CCNT2: variants seen among roughly 807,000 people sequenced by gnomAD.
CCNT2 encodes the protein cyclin-T2.
CCNT2 carries 18 observed loss-of-function variants against 70.0 expected under a neutral mutation model. That is an observed-to-expected ratio of 0.26 (90% CI 0.18 to 0.38). The LOEUF is 0.38. Among genes scored for constraint, CCNT2 ranks in the 10% least tolerant of loss-of-function variants. The probability of loss-of-function intolerance (pLI) is 1.00; values close to 1 mark genes in which losing one functional copy is unlikely to be tolerated. For synonymous variants in CCNT2, 334 were observed against 313.3 expected, an observed-to-expected ratio of 1.07 and a Z score of -0.70; for missense variants, 734 against 890.2, an observed-to-expected ratio of 0.82 and a Z score of 2.23.
intron 5 of CCNT2, chr2:134,943,391 G>C: frequency 1.0e-6 from 1 of 965,712 alleles, no homozygotes. Flanking sequence ...GCAAGAGTGA[G>C]ACCCTATCTC....
chr2:134,937,971 A>G (rs1379963963), intron 3 of CCNT2, among the ~76,000 whole-genome samples: 2 of 152,312 alleles, frequency 1.3e-5, no homozygotes, highest in Middle Eastern at 3.4e-3. Flanking sequence ...ACCTTTACCC[A>G]TTGAATGACT....
At chr2:134,935,323 C>G (rs1681067993) in intron 2 of CCNT2, among the ~76,000 whole-genome samples, 1 of 152,142 alleles carries the variant, frequency 6.6e-6, no homozygotes, top group Non-Finnish European at 1.5e-5. Flanking sequence ...AAAGATTTAC[C>G]AGAAGGAAAA....
chr2:134,923,030 C>T (rs1202152900), intron 2 of CCNT2, among the ~76,000 whole-genome samples: 1 of 152,116 alleles, frequency 6.6e-6, no homozygotes, highest in African/African-American at 2.4e-5. Flanking sequence ...CCTGTAATCC[C>T]GGCACTTTGG....
intron 5 of CCNT2, chr2:134,944,684 GACTA>G: frequency 4.1e-6 from 4 of 983,178 alleles, no homozygotes; most frequent in Non-Finnish European, 4.8e-6. Flanking sequence ...CATTTTGTCT[GACTA>G]ACATTTCAGG....
At chr2:134,943,052 A>G (rs539363582) in intron 5 of CCNT2, 147 of 985,334 alleles carry the variant, frequency 1.5e-4, no homozygotes, top group African/African-American at 1.4e-3. Context: ...TTGAAAAGTG[A>G]TAACAGTTGA....
chr2:134,930,126 G>T (rs1680634068), intron 2 of CCNT2, among the ~76,000 whole-genome samples: 1 of 152,094 alleles, frequency 6.6e-6, no homozygotes, highest in African/African-American at 2.4e-5. Context: ...AAAGAAACCT[G>T]GTTGCTGTAA....
In CCNT2 at chr2:134,953,873, CCAG is replaced by C. The variant is rs1443765645; in HGVS notation, c.1425_1427del (p.Ser477del). ...CACAAACAAGGGCAGTCACAGGCAG[CCAG>C]CAGCAGTTCTGTTACTTCTCCCATT... On this transcript the variant is annotated inframe_deletion, in exon 9 of 9. Transcript: ENST00000264157. The C allele has an allele frequency of 6.2e-7, 1 of 1,613,998 alleles. No individual in the cohort carries two copies. The highest frequency in any genetic ancestry group is 8.5e-7 in the Non-Finnish European group (1 of 1,179,998).
rs45566531 is a variant in CCNT2, at chr2:134,927,440, G to A, written c.240+7549G>A. Among the ~76,000 whole-genome samples the A allele has an allele frequency of 3.0e-3, 454 of 152,068 alleles. 4 individuals carry two copies. Among genetic ancestry groups the A allele is most frequent in the South Asian group, 7.3e-3 (35 of 4,804 alleles). On this transcript the variant is annotated intron_variant, in intron 2 of 8. Transcript: ENST00000264157. ...GGCTCATCCTTTTTGTTGAGTCATC[G>A]CATGGCAGGAGTGCAAGAGAGTGAA...
At position 134,953,415 on chromosome 2, in the gene CCNT2, T is replaced by G. The variant is rs1241661507; in HGVS notation, c.960T>G (p.Ile320Met). The change falls in exon 9 of 9, where the codon ATT (isoleucine) becomes ATG (methionine). Residue 320 changes from isoleucine to methionine, a missense_variant. Coordinates refer to ENST00000264157, the MANE Select transcript of CCNT2 (RefSeq NM_058241.3). ...CAGTACCTCTAAATTCAGGAAATAT[T>G]TCTGTTCAAGACAGCCATACATCTG... Reference protein sequence around the residue: ...PAPVPLNSGNISVQDSHTSDN... With the variant: ...PAPVPLNSGNMSVQDSHTSDN... The G allele has an allele frequency of 1.2e-6, 2 of 1,608,046 alleles. No homozygotes were observed. Among genetic ancestry groups the G allele is most frequent in the Non-Finnish European group, 1.7e-6 (2 of 1,176,824 alleles).
rs747092368 is a variant in CCNT2 at position 134,954,477 on chromosome 2, C to T, written c.2022C>T (p.Tyr674=). 8 of 1,614,116 alleles carry T rather than the reference C, an allele frequency of 5.0e-6. No individual in the cohort carries two copies. Among genetic ancestry groups the T allele is most frequent in the Non-Finnish European group, 6.8e-6 (8 of 1,180,004 alleles). ...HPLPPPPPVT[Y]QVGYGHLSTL... is the part of the protein sequence containing the mutation. The stretch of plus-strand genomic sequence containing the variant: ...TACCCCCTCCTCCCCCTGTCACATA[C>T]CAGGTGGGCTACGGACATCTCAGCA... The change falls in exon 9 of 9, where the codon TAC becomes TAT. Residue 674 remains tyrosine (Y), a synonymous_variant. Coordinates refer to ENST00000264157, the MANE Select transcript of CCNT2 (RefSeq NM_058241.3).
chr2:134,927,318 A>G (rs1680365601), intron 2 of CCNT2, among the ~76,000 whole-genome samples: 1 of 152,086 alleles, frequency 6.6e-6, no homozygotes, highest in Non-Finnish European at 1.5e-5. Flanking sequence ...TTTTTTTGCA[A>G]AATTAAATGA....
chr2:134,921,168 TAATG>T (rs1679870641), intron 2 of CCNT2, among the ~76,000 whole-genome samples: 1 of 152,196 alleles, frequency 6.6e-6, no homozygotes, highest in African/African-American at 2.4e-5. Flanking sequence ...AGTAGTGAAC[TAATG>T]AATGTTAATA....
intron 2 of CCNT2, among the ~76,000 whole-genome samples, chr2:134,933,202 T>G (rs975941451): frequency 6.6e-5 from 10 of 152,156 alleles, no homozygotes; most frequent in African/African-American, 2.2e-4. Context: ...ATTGGGAGAT[T>G]TAATGTTGAA....
intron 2 of CCNT2, among the ~76,000 whole-genome samples, chr2:134,928,862 A>G (rs185342419): frequency 1.3e-5 from 2 of 152,306 alleles, no homozygotes; most frequent in African/African-American, 4.8e-5. Flanking sequence ...TTTGGGGGTA[A>G]TCTTTAAATG....
intron 7 of CCNT2, 41 bp downstream of exon 7, chr2:134,947,940 AG>A: frequency 8.4e-7 from 1 of 1,197,448 alleles, no homozygotes; most frequent in Non-Finnish European, 1.1e-6. Flanking sequence ...GAATTATCTA[AG>A]TTGGCAGTTG....
intron 2 of CCNT2, among the ~76,000 whole-genome samples, chr2:134,925,300 A>G (rs559127143): frequency 6.6e-6 from 1 of 151,984 alleles, no homozygotes; most frequent in East Asian, 1.9e-4. Context: ...TAATTACTGG[A>G]TTTTTGCCCT....
chr2:134,954,607 A>T lies in CCNT2; in HGVS notation c.2152A>T (p.Met718Leu). The change falls in exon 9 of 9, where the codon ATG (methionine) becomes TTG (leucine). Residue 718 changes from methionine to leucine, a missense_variant. By Grantham distance (15) the Met-to-Leu change is conservative. Around this residue, in one of 3 missense-constraint regions of CCNT2, gnomAD observed 532 missense variants for 556.9 expected, o/e 0.96. Coordinates refer to ENST00000264157, the MANE Select transcript of CCNT2 (RefSeq NM_058241.3). ...TATGGACTACAAAGACACATTCGAC[A>T]TGCTGGACTCACTGTTAAGTGCCCA... ...QHMDYKDTFD[M>L]LDSLLSAQGM... The T allele has an allele frequency of 6.2e-7, 1 of 1,613,288 alleles. No individual in the cohort carries two copies. The highest frequency in any genetic ancestry group is 8.5e-7 in the Non-Finnish European group (1 of 1,179,228).
chr2:134,936,557 C>T (rs927469825), intron 2 of CCNT2, among the ~76,000 whole-genome samples: 6 of 152,006 alleles, frequency 3.9e-5, no homozygotes, highest in Non-Finnish European at 5.9e-5. Context: ...AGTTCGAGAC[C>T]AGCCTGGCCA....
In CCNT2 at chr2:134,954,193, AGTGGCAGCAGCAGCG is replaced by A. The variant is rs1329132105; in HGVS notation, c.1746_1760del (p.Ser583_Ser587del). 6.2e-7 allele frequency: 1 copy of A among 1,614,150 alleles called. No individual in the cohort carries two copies. Among genetic ancestry groups the A allele is most frequent in the East Asian group, 2.2e-5 (1 of 44,880 alleles). ...CAGCCACAAGCATTCCCACTCGCAT[AGTGGCAGCAGCAGCG>A]GTGGCAGTAAACACAGTGCCGACGG... On this transcript the variant is annotated inframe_deletion, in exon 9 of 9. Transcript: ENST00000264157.
Sources: allele counts gnomAD v4.1 joint callset (sites outside exome capture counted in the v4.1 genomes callset), GRCh38; gene constraint gnomAD v4.1.1; regional missense constraint gnomAD v4.1.1; transcripts MANE v1.5; gene names NCBI Gene and HGNC (gene_info 2026-07-23, HGNC 2026-07-21).